ADGRL2: variants seen among roughly 807,000 people sequenced by gnomAD.
ADGRL2 encodes calcium-independent alpha-latrotoxin receptor 2.
A neutral mutation model predicts 157.4 loss-of-function variants in ADGRL2; 44 were observed. That is an observed-to-expected ratio of 0.28 (90% CI 0.22 to 0.36). The LOEUF (loss-of-function observed/expected upper bound fraction) is 0.36, where lower values mean the gene tolerates loss of function less well. Among genes scored for constraint, ADGRL2 ranks in the 10% least tolerant of loss-of-function variants. The probability of loss-of-function intolerance (pLI) is 1.00; values close to 1 mark genes in which losing one functional copy is unlikely to be tolerated. For missense variants in ADGRL2, 1,510 were observed against 1,768.9 expected, an observed-to-expected ratio of 0.85 and a Z score of 2.63; for synonymous variants, 585 against 624.7, an observed-to-expected ratio of 0.94 and a Z score of 0.95.
At chr1:81,988,719 T>A (rs531301686) in intron 23 of ADGRL2, among the ~76,000 whole-genome samples, 98 of 152,280 alleles carry the variant, frequency 6.4e-4, no homozygotes, top group Non-Finnish European at 4.4e-4. Flanking sequence ...TGCCCAACAA[T>A]GATCACATAT....
At chr1:81,625,275 CT>C (rs1481626769) in intron 3 of ADGRL2, among the ~76,000 whole-genome samples, 1 of 152,046 alleles carries the variant, frequency 6.6e-6, no homozygotes, top group East Asian at 1.9e-4. Flanking sequence ...CCCTCCTTCC[CT>C]TTTTCCCTCT....
At chr1:81,607,609 C>A (rs1482142477) in intron 3 of ADGRL2, among the ~76,000 whole-genome samples, 1 of 152,172 alleles carries the variant, frequency 6.6e-6, no homozygotes, top group South Asian at 2.1e-4. Flanking sequence ...GAAAGAACAC[C>A]TTTCCTTTGT....
intron 2 of ADGRL2, among the ~76,000 whole-genome samples, chr1:81,889,924 C>T (rs1282478206): frequency 1.3e-5 from 2 of 152,182 alleles, no homozygotes; most frequent in Non-Finnish European, 2.9e-5. Context: ...TTTATCAAGA[C>T]TCAGTGTACA....
intron 1 of ADGRL2, among the ~76,000 whole-genome samples, chr1:81,802,155 C>T (rs1041576334): frequency 2.0e-5 from 3 of 151,456 alleles, no homozygotes; most frequent in Non-Finnish European, 2.9e-5. Context: ...CCGGGGTAGC[C>T]GCTGCCCTCC....
chr1:81,506,898 A>G (rs897684139), intron 2 of ADGRL2, among the ~76,000 whole-genome samples: 2 of 152,180 alleles, frequency 1.3e-5, no homozygotes, highest in African/African-American at 4.8e-5. Flanking sequence ...ATTCATCTAC[A>G]TAACAAATGT....
chr1:81,540,166 G>T (rs10493693), intron 2 of ADGRL2, among the ~76,000 whole-genome samples: 6,733 of 152,208 alleles, frequency 0.044, 367 homozygotes, highest in East Asian at 0.22. Context: ...GAGTATAATA[G>T]CCAGGACATC....
At chr1:81,580,729 T>C (rs915256447) in intron 2 of ADGRL2, 1 of 152,212 alleles carries the variant, frequency 6.6e-6, no homozygotes, top group African/African-American at 2.4e-5. Flanking sequence ...ACTCTGGAAG[T>C]CTTGACAATG....
At chr1:81,792,322 G>GCAAACAGTA (rs2087389858) in intron 2 of ADGRL2, among the ~76,000 whole-genome samples, 1 of 152,158 alleles carries the variant, frequency 6.6e-6, no homozygotes, top group Non-Finnish European at 1.5e-5. Flanking sequence ...TGCAAACAGT[G>GCAAACAGTA]GGTGATCACG....
intron 1 of ADGRL2, among the ~76,000 whole-genome samples, chr1:81,727,812 AAT>A (rs139067507): frequency 0.087 from 13,008 of 149,852 alleles, 589 homozygotes; most frequent in Non-Finnish European, 0.098. Context: ...GTGTGAATAA[AAT>A]ATATATATAT....
chr1:81,811,091 G>C (rs770161213), intron 1 of ADGRL2, among the ~76,000 whole-genome samples: 1 of 151,822 alleles, frequency 6.6e-6, no homozygotes, highest in East Asian at 1.9e-4. Flanking sequence ...TAGATCTACA[G>C]CCTGAATATC....
At chr1:81,837,121 A>G (rs2092322214) in intron 2 of ADGRL2, 64 bp downstream of exon 2, 2 of 788,958 alleles carry the variant, frequency 2.5e-6, no homozygotes, top group East Asian at 2.8e-5. Context: ...AATCTTCTTA[A>G]TATGGAAGTG....
At chr1:81,587,083 C>CT (rs1366688081) in intron 3 of ADGRL2, among the ~76,000 whole-genome samples, 1 of 152,056 alleles carries the variant, frequency 6.6e-6, no homozygotes, top group Non-Finnish European at 1.5e-5. Flanking sequence ...ACTTGTCAGA[C>CT]TGCGAAGCTA....
intron 1 of ADGRL2, among the ~76,000 whole-genome samples, chr1:81,322,109 TAC>T (rs1553153255): frequency 9.2e-5 from 12 of 129,762 alleles, no homozygotes; most frequent in Non-Finnish European, 1.8e-4. Context: ...TATATATATA[TAC>T]ACATATATAT....
chr1:81,720,847 G>C (rs1252861074), intron 1 of ADGRL2, among the ~76,000 whole-genome samples: 1 of 150,216 alleles, frequency 6.7e-6, no homozygotes, highest in African/African-American at 2.4e-5. Flanking sequence ...TGATGAATTG[G>C]GGAAAAATCC....
At chr1:81,783,916 A>G (rs2086921047) in intron 2 of ADGRL2, among the ~76,000 whole-genome samples, 1 of 152,222 alleles carries the variant, frequency 6.6e-6, no homozygotes, top group Non-Finnish European at 1.5e-5. Context: ...TACTATCTGT[A>G]TTAATTCATA....
intron 3 of ADGRL2, among the ~76,000 whole-genome samples, chr1:81,657,512 A>T (rs1193596435): frequency 6.6e-6 from 1 of 152,178 alleles, no homozygotes; most frequent in Non-Finnish European, 1.5e-5. Flanking sequence ...TAATGAAGGA[A>T]TTCTTTCATG....
intron 11 of ADGRL2, among the ~76,000 whole-genome samples, chr1:81,958,007 CA>C (rs11428838): frequency 2.0e-5 from 3 of 149,972 alleles, no homozygotes; most frequent in Non-Finnish European, 3.0e-5. Context: ...CTAAAAAATA[CA>C]AAAAAAAATG....
chr1:81,492,878 A>G (rs1283429896), intron 2 of ADGRL2, among the ~76,000 whole-genome samples: 1 of 152,184 alleles, frequency 6.6e-6, no homozygotes, highest in Non-Finnish European at 1.5e-5. Context: ...TCTATCCAGA[A>G]ACATAACAGG....
rs140870199 is a variant in ADGRL2, at chr1:81,389,624, G to A, written c.-301-55412G>A. On this transcript the variant is annotated intron_variant, in intron 1 of 24. Transcript: ENST00000370721. The stretch of plus-strand genomic sequence containing the variant: ...ATTGGGAATGGAGTTTCAAGAATGC[G>A]TCCCATGTATCATTTACCTGCTGAA... Among the ~76,000 whole-genome samples the A allele has an allele frequency of 2.4e-3, 359 of 152,284 alleles. 6 individuals are homozygous for A. In the East Asian group the frequency reaches 0.025, roughly 11 times the overall value.
Sources: gnomAD v4.1 joint callset for allele counts (sites outside exome capture counted in the v4.1 genomes callset) on GRCh38, gnomAD v4.1.1 for gene constraint, MANE v1.5 for transcripts, NCBI Gene and HGNC (gene_info 2026-07-23, HGNC 2026-07-21) for gene names.